ENTREP2: variants seen among roughly 807,000 people sequenced by gnomAD.
ENTREP2 encodes the protein protein ENTREP2.
the ENTREP2 span, among the ~76,000 whole-genome samples, chr15:29,641,309 C>T: frequency 1.3e-5 from 2 of 151,288 alleles, no homozygotes; most frequent in African/African-American, 2.4e-5. Context: ...TTCTAGCCAG[C>T]GAAATTAGGC....
chr15:29,600,902 C>CCTTTTTTTTTTTTTT, the ENTREP2 span, among the ~76,000 whole-genome samples: 43 of 123,600 alleles, frequency 3.5e-4, no homozygotes, highest in African/African-American at 1.4e-3. Context: ...ATTTTTCTTT[C>CCTTTTTTTTTTTTTT]TTTTTTTTTT....
the ENTREP2 span, among the ~76,000 whole-genome samples, chr15:29,317,503 A>G: frequency 6.6e-6 from 1 of 152,352 alleles, no homozygotes; most frequent in South Asian, 2.1e-4. Flanking sequence ...TATACTCTCG[A>G]GAGTTGCATT....
At chr15:29,420,423 G>A in the ENTREP2 span, among the ~76,000 whole-genome samples, 3 of 152,154 alleles carry the variant, frequency 2.0e-5, no homozygotes, top group African/African-American at 7.2e-5. Flanking sequence ...CAGCACAGCA[G>A]GGGGTCCCAG....
At chr15:29,489,810 C>G in the ENTREP2 span, among the ~76,000 whole-genome samples, 2 of 152,292 alleles carry the variant, frequency 1.3e-5, no homozygotes, top group South Asian at 2.1e-4. Flanking sequence ...CATCGCTCAG[C>G]TACACAACCA....
chr15:29,668,259 C>A, the ENTREP2 span, among the ~76,000 whole-genome samples: 96 of 152,276 alleles, frequency 6.3e-4, 1 homozygote, highest in African/African-American at 2.3e-3. Flanking sequence ...ATTGCCAGTC[C>A]GGGGAAACGC....
chr15:29,165,616 T>C, the ENTREP2 span, among the ~76,000 whole-genome samples: 4 of 152,130 alleles, frequency 2.6e-5, no homozygotes, highest in Non-Finnish European at 5.9e-5. Flanking sequence ...ATAACCCTCC[T>C]AGCTTAAATC....
chr15:29,550,281 C>A, the ENTREP2 span, among the ~76,000 whole-genome samples: 1 of 151,872 alleles, frequency 6.6e-6, no homozygotes, highest in East Asian at 1.9e-4. Context: ...CAAAAAAAAA[C>A]AAACCTAAGG....
chr15:29,633,505 C>G, the ENTREP2 span, among the ~76,000 whole-genome samples: 1 of 151,358 alleles, frequency 6.6e-6, no homozygotes, highest in African/African-American at 2.4e-5. Context: ...TGGAGTGGAG[C>G]CTTCAGTGTT....
the ENTREP2 span, chr15:29,126,344 C>A: frequency 6.5e-7 from 1 of 1,535,644 alleles, no homozygotes; most frequent in South Asian, 1.2e-5. Context: ...CACCTGTGAG[C>A]CCATGCCAGG....
chr15:29,540,258 T>C, the ENTREP2 span, among the ~76,000 whole-genome samples: 2 of 152,200 alleles, frequency 1.3e-5, no homozygotes, highest in Non-Finnish European at 2.9e-5. Flanking sequence ...ACGTTTCAAC[T>C]CTCTTCTCGC....
At chr15:29,440,140 A>C in the ENTREP2 span, among the ~76,000 whole-genome samples, 1 of 152,208 alleles carries the variant, frequency 6.6e-6, no homozygotes, top group Admixed American at 6.5e-5. Flanking sequence ...ATGATGATTA[A>C]ATGAAACATG....
At chr15:29,339,105 C>A in the ENTREP2 span, among the ~76,000 whole-genome samples, 1 of 152,232 alleles carries the variant, frequency 6.6e-6, no homozygotes, top group South Asian at 2.1e-4. Flanking sequence ...CCATCACCTG[C>A]AAAACCTCAG....
the ENTREP2 span, chr15:29,266,908 G>C: frequency 6.6e-6 from 1 of 152,162 alleles, no homozygotes; most frequent in Admixed American, 6.5e-5. Context: ...TTTTGCCTCA[G>C]ATATAACTGG....
chr15:29,128,329 G>C, the ENTREP2 span, among the ~76,000 whole-genome samples: 1 of 152,052 alleles, frequency 6.6e-6, no homozygotes, highest in Admixed American at 6.6e-5. Context: ...CCTTGCACAC[G>C]TGTCCTTCAA....
At chr15:29,572,784 C>T in the ENTREP2 span, among the ~76,000 whole-genome samples, 1 of 151,914 alleles carries the variant, frequency 6.6e-6, no homozygotes, top group African/African-American at 2.4e-5. Flanking sequence ...GGAAGACTGG[C>T]GGCACACTGG....
At chr15:29,423,965 C>T in the ENTREP2 span, among the ~76,000 whole-genome samples, 3 of 152,144 alleles carry the variant, frequency 2.0e-5, no homozygotes, top group South Asian at 2.1e-4. Flanking sequence ...TATTCTTCCC[C>T]GTGGGTTCTT....
chr15:29,203,874 A>T, the ENTREP2 span, among the ~76,000 whole-genome samples: 206 of 152,322 alleles, frequency 1.4e-3, no homozygotes, highest in African/African-American at 4.8e-3. Flanking sequence ...CTAGGCATTA[A>T]GATTGAAGTA....
At chr15:29,183,021 T>G in the ENTREP2 span, among the ~76,000 whole-genome samples, 1 of 152,126 alleles carries the variant, frequency 6.6e-6, no homozygotes, top group Admixed American at 6.5e-5. Flanking sequence ...AAAACTTCCA[T>G]GAAAATACAG....
the ENTREP2 span, among the ~76,000 whole-genome samples, chr15:29,129,846 A>T: frequency 2.0e-5 from 3 of 152,154 alleles, no homozygotes; most frequent in Non-Finnish European, 2.9e-5. Flanking sequence ...ATGTTGCATG[A>T]GCACCCCCAT....
Sources: allele counts gnomAD v4.1 joint callset (sites outside exome capture counted in the v4.1 genomes callset), GRCh38; gene constraint gnomAD v4.1.1; transcripts MANE v1.5; gene names NCBI Gene and HGNC (gene_info 2026-07-23, HGNC 2026-07-21).